Variants in IGSF10 observed in about 807,000 individuals in gnomAD.
The protein encoded by IGSF10 is immunoglobulin superfamily member 10.
IGSF10 carries 126 observed loss-of-function variants against 128.2 expected under a neutral mutation model. That is an observed-to-expected ratio of 0.98 (90% CI 0.85 to 1.14). The LOEUF (loss-of-function observed/expected upper bound fraction) is 1.14. Ranked by LOEUF, IGSF10 falls within the 50% of genes most tolerant of loss-of-function variation. The pLI, the probability that IGSF10 is intolerant of heterozygous loss-of-function variation, is 0.00. For missense variants in IGSF10, 3,295 were observed against 3,149.8 expected, an observed-to-expected ratio of 1.05 and a Z score of -1.10; for synonymous variants, 1,185 against 1,146.2, an observed-to-expected ratio of 1.03 and a Z score of -0.68.
chr3:151,458,198 GATC>G (rs1261258020), intron 3 of IGSF10, among the ~76,000 whole-genome samples: 1 of 151,966 alleles, frequency 6.6e-6, no homozygotes, highest in African/African-American at 2.4e-5. Flanking sequence ...TATGATGAAT[GATC>G]ATAACCCCAA....
At chr3:151,492,726 C>G in the IGSF10 span, among the ~76,000 whole-genome samples, 2 of 115,512 alleles carry the variant, frequency 1.7e-5, no homozygotes, top group East Asian at 4.7e-4. Context: ...GTTTAAGACT[C>G]ATTCTCAAAA....
the IGSF10 span, among the ~76,000 whole-genome samples, chr3:151,544,112 T>C: frequency 2.6e-5 from 4 of 152,220 alleles, no homozygotes; most frequent in Non-Finnish European, 4.4e-5. Flanking sequence ...TTTCCCCATA[T>C]TGCCCAGGCT....
the IGSF10 span, among the ~76,000 whole-genome samples, chr3:151,504,685 C>A: frequency 2.6e-5 from 4 of 152,326 alleles, no homozygotes; most frequent in East Asian, 5.8e-4. Context: ...CTAAAGGTTT[C>A]TCTGCACATC....
At chr3:151,570,058 A>T in the IGSF10 span, among the ~76,000 whole-genome samples, 1 of 152,238 alleles carries the variant, frequency 6.6e-6, no homozygotes. Flanking sequence ...TACAAAGGAC[A>T]TGAAAGAATC....
intron 7 of IGSF10, among the ~76,000 whole-genome samples, chr3:151,439,460 A>C (rs995447448): frequency 6.6e-6 from 1 of 152,186 alleles, no homozygotes; most frequent in Non-Finnish European, 1.5e-5. Context: ...TAAAAATACG[A>C]AAAATTAGCT....
downstream of IGSF10, chr3:151,434,222 ACTT>A (rs1337125725): frequency 6.6e-6 from 1 of 152,154 alleles, no homozygotes; most frequent in Non-Finnish European, 1.5e-5. Flanking sequence ...ATGTAAATCT[ACTT>A]TTTTTAAAAT....
At chr3:151,568,062 A>T in the IGSF10 span, among the ~76,000 whole-genome samples, 1 of 152,128 alleles carries the variant, frequency 6.6e-6, no homozygotes, top group Non-Finnish European at 1.5e-5. Context: ...GGTACCTACT[A>T]GTTTATTTGT....
chr3:151,585,341 G>A, the IGSF10 span, among the ~76,000 whole-genome samples: 58 of 152,178 alleles, frequency 3.8e-4, no homozygotes, highest in Admixed American at 7.2e-4. Context: ...TGACATATGT[G>A]TCTTGCATTA....
the IGSF10 span, among the ~76,000 whole-genome samples, chr3:151,547,166 T>A: frequency 6.6e-6 from 1 of 152,120 alleles, no homozygotes; most frequent in Non-Finnish European, 1.5e-5. Flanking sequence ...CCATGAAAAA[T>A]AAGGATTTAG....
chr3:151,451,136 C>A (rs1432650403), intron 5 of IGSF10, among the ~76,000 whole-genome samples: 1 of 152,092 alleles, frequency 6.6e-6, no homozygotes, highest in East Asian at 1.9e-4. Context: ...GACCATATCA[C>A]CCCCATTCCC....
chr3:151,521,643 A>T, the IGSF10 span, among the ~76,000 whole-genome samples: 1 of 152,050 alleles, frequency 6.6e-6, no homozygotes, highest in Admixed American at 6.6e-5. Context: ...AGCAGAAATT[A>T]AGAAGTTATT....
At chr3:151,500,921 T>C in the IGSF10 span, among the ~76,000 whole-genome samples, 1 of 152,042 alleles carries the variant, frequency 6.6e-6, no homozygotes, top group Non-Finnish European at 1.5e-5. Context: ...TGGCCATGCC[T>C]GACTTCCATC....
the IGSF10 span, among the ~76,000 whole-genome samples, chr3:151,552,616 T>A: frequency 1.3e-5 from 2 of 152,192 alleles, no homozygotes; most frequent in Admixed American, 1.3e-4. Context: ...CTTTGGATGA[T>A]GTAAGTCAGG....
At chr3:151,525,002 CTTTTTTTTTTTTTTTTTTTTTTTTTTTTT>C in the IGSF10 span, among the ~76,000 whole-genome samples, 1 of 49,692 alleles carries the variant, frequency 2.0e-5, no homozygotes, top group Non-Finnish European at 3.4e-5. Context: ...TGCATTACAC[CTTTTTTTTTTTTTTTTTTTTTTTTTTTTT>C]TTTTTTTTTT....
chr3:151,487,196 T>G, the IGSF10 span, among the ~76,000 whole-genome samples: 2 of 152,048 alleles, frequency 1.3e-5, no homozygotes. Context: ...CACAATACTA[T>G]AAACACCTCT....
chr3:151,559,657 T>C, the IGSF10 span, among the ~76,000 whole-genome samples: 6 of 152,222 alleles, frequency 3.9e-5, no homozygotes, highest in South Asian at 2.1e-4. Flanking sequence ...TGATGTATAA[T>C]GTGGTTGTTG....
At chr3:151,558,006 A>ATATATATATAT in the IGSF10 span, among the ~76,000 whole-genome samples, 3 of 26,652 alleles carry the variant, frequency 1.1e-4, no homozygotes, top group African/African-American at 2.7e-4. Flanking sequence ...AGTATATATA[A>ATATATATATAT]TATATATATA....
At chr3:151,454,251 C>G (rs1314123260) in intron 4 of IGSF10, among the ~76,000 whole-genome samples, 2 of 152,078 alleles carry the variant, frequency 1.3e-5, no homozygotes, top group African/African-American at 4.8e-5. Context: ...CTCCTGACCT[C>G]AGGTGATCCG....
chr3:151,496,461 C>T, the IGSF10 span, among the ~76,000 whole-genome samples: 1 of 144,186 alleles, frequency 6.9e-6, no homozygotes, highest in Non-Finnish European at 1.5e-5. Context: ...TTTTTCTGTC[C>T]TTGTGATAGT....
Sources: gnomAD v4.1 joint callset for allele counts (sites outside exome capture counted in the v4.1 genomes callset) on GRCh38, gnomAD v4.1.1 for gene constraint, MANE v1.5 for transcripts, NCBI Gene and HGNC (gene_info 2026-07-23, HGNC 2026-07-21) for gene names.